ALK: variants seen among roughly 807,000 people sequenced by gnomAD.
ALK encodes the protein ALK tyrosine kinase receptor.
In ALK, 74 loss-of-function variants were observed where a neutral mutation model predicts 163.1. The ratio of observed to expected loss-of-function variants is 0.45; its 90% CI spans 0.38 to 0.55. The LOEUF (loss-of-function observed/expected upper bound fraction) is 0.55, where lower values mean the gene tolerates loss of function less well. ALK is among the 20% of genes least tolerant of loss of function. The probability of loss-of-function intolerance (pLI) is 0.00; values close to 1 mark genes in which losing one functional copy is unlikely to be tolerated. For missense variants in ALK, 2,063 were observed against 2,105.3 expected (o/e 0.98, Z 0.39); for synonymous variants, 960 against 843.2 (o/e 1.14, Z -2.40).
intron 1 of ALK, among the ~76,000 whole-genome samples, chr2:29,808,141 T>C (rs1332378660): frequency 6.6e-6 from 1 of 152,212 alleles, no homozygotes; most frequent in Admixed American, 6.5e-5. Context: ...AATAAATGCA[T>C]TGAAATTAAA....
At chr2:29,666,228 A>T (rs1677509252) in intron 3 of ALK, among the ~76,000 whole-genome samples, 1 of 152,026 alleles carries the variant, frequency 6.6e-6, no homozygotes, top group Admixed American at 6.6e-5. Context: ...TCATAATTCC[A>T]TTATCCTAGA....
At chr2:29,777,186 A>T (rs1681200583) in intron 1 of ALK, among the ~76,000 whole-genome samples, 3 of 152,214 alleles carry the variant, frequency 2.0e-5, no homozygotes, top group African/African-American at 7.2e-5. Flanking sequence ...GAATCAAAAT[A>T]TTCATCCAGG....
intron 3 of ALK, among the ~76,000 whole-genome samples, chr2:29,536,398 G>C (rs1673257553): frequency 6.6e-6 from 1 of 152,118 alleles, no homozygotes. Context: ...CATGTGGCAT[G>C]CTGGTTCCTT....
chr2:29,302,235 C>T (rs1288479807), intron 8 of ALK, among the ~76,000 whole-genome samples: 2 of 152,132 alleles, frequency 1.3e-5, no homozygotes, highest in East Asian at 1.9e-4. Flanking sequence ...AATTAACTTC[C>T]GGCCGGGTGC....
At chr2:29,529,425 G>A (rs940566410) in intron 4 of ALK, among the ~76,000 whole-genome samples, 4 of 152,216 alleles carry the variant, frequency 2.6e-5, no homozygotes, top group African/African-American at 9.6e-5. Context: ...TGAGCACTAT[G>A]CTAGTGAGGT....
At chr2:29,790,347 C>G (rs1322198606) in intron 1 of ALK, among the ~76,000 whole-genome samples, 1 of 152,110 alleles carries the variant, frequency 6.6e-6, no homozygotes, top group Non-Finnish European at 1.5e-5. Flanking sequence ...TCTATGCAAT[C>G]ACAAGTGACA....
intron 1 of ALK, among the ~76,000 whole-genome samples, chr2:29,904,732 C>T (rs1237119943): frequency 3.3e-5 from 5 of 152,206 alleles, no homozygotes; most frequent in African/African-American, 7.2e-5. Flanking sequence ...AAACCTAGAA[C>T]TAATTCCAGA....
chr2:29,449,020 G>A (rs986573455), intron 4 of ALK, among the ~76,000 whole-genome samples: 2 of 152,272 alleles, frequency 1.3e-5, no homozygotes, highest in South Asian at 2.1e-4. Flanking sequence ...TCCACTGCTT[G>A]ATTCTCATTT....
intron 4 of ALK, among the ~76,000 whole-genome samples, chr2:29,392,639 A>G (rs879319803): frequency 6.6e-6 from 1 of 152,206 alleles, no homozygotes; most frequent in African/African-American, 2.4e-5. Context: ...GTACCAGGCC[A>G]GAAGGTAGGA....
At chr2:29,585,839 AT>A (rs1674871149) in intron 3 of ALK, among the ~76,000 whole-genome samples, 1 of 151,828 alleles carries the variant, frequency 6.6e-6, no homozygotes, top group African/African-American at 2.4e-5. Context: ...CTTTCTAGAA[AT>A]TTTTTGTTCA....
intron 3 of ALK, among the ~76,000 whole-genome samples, chr2:29,665,951 T>A (rs1677500434): frequency 6.6e-6 from 1 of 152,076 alleles, no homozygotes; most frequent in African/African-American, 2.4e-5. Context: ...GACCTGAAAT[T>A]CCCTGCCCCA....
At chr2:29,536,168 G>T (rs1673250951) in intron 3 of ALK, among the ~76,000 whole-genome samples, 1 of 152,182 alleles carries the variant, frequency 6.6e-6, no homozygotes, top group Admixed American at 6.5e-5. Context: ...TGGTGATGTA[G>T]TTTGGTTGTG....
intron 1 of ALK, among the ~76,000 whole-genome samples, chr2:29,753,373 C>T (rs947823381): frequency 7.2e-5 from 11 of 152,132 alleles, no homozygotes; most frequent in Admixed American, 5.2e-4. Flanking sequence ...GGGTAAGTTA[C>T]GGGGGGGAGC....
At chr2:29,495,221 C>T (rs1400699339) in intron 4 of ALK, among the ~76,000 whole-genome samples, 1 of 152,166 alleles carries the variant, frequency 6.6e-6, no homozygotes, top group Non-Finnish European at 1.5e-5. Flanking sequence ...CTTCGTGCTG[C>T]AGGAGGCTGA....
chr2:29,342,901 G>C (rs1439834602), intron 5 of ALK, among the ~76,000 whole-genome samples: 11 of 20,692 alleles, frequency 5.3e-4, no homozygotes, highest in Admixed American at 2.2e-3. Context: ...TTTTTTTTTT[G>C]ATATGGAGTC....
chr2:29,310,961 T>C (rs143737582), intron 8 of ALK, among the ~76,000 whole-genome samples: 95 of 152,330 alleles, frequency 6.2e-4, no homozygotes, highest in African/African-American at 2.0e-3. Flanking sequence ...CTCTTACTCA[T>C]GTAGAGAGCC....
intron 1 of ALK, among the ~76,000 whole-genome samples, chr2:29,879,846 A>T (rs938149954): frequency 3.9e-5 from 6 of 152,224 alleles, no homozygotes; most frequent in African/African-American, 1.4e-4. Flanking sequence ...TGTAAATCTG[A>T]TAACTAACAA....
intron 1 of ALK, among the ~76,000 whole-genome samples, chr2:29,825,342 TG>T (rs1558505241): frequency 6.6e-6 from 1 of 152,258 alleles, no homozygotes; most frequent in Non-Finnish European, 1.5e-5. Context: ...TCAGATTCCC[TG>T]TTAGGTCCTG....
In ALK at chr2:29,334,071, C is replaced by G. The variant is rs75158405; in HGVS notation, c.1283-5590G>C. ...CCTCTCCTCTGGGGACACCTTCCACCAACTCTTCCTCTTTCGGCCCTGGGG... is the reference window on the plus strand; with the variant it reads ...CCTCTCCTCTGGGGACACCTTCCACGAACTCTTCCTCTTTCGGCCCTGGGG... On this transcript the variant is annotated intron_variant, in intron 5 of 28. Coordinates refer to ENST00000389048, the MANE Select transcript of ALK (RefSeq NM_004304.5). Among the ~76,000 whole-genome samples the G allele has an allele frequency of 3.3e-4, 50 of 152,246 alleles. No individual in the cohort carries two copies. The East Asian group carries it at 9.3e-3, about 28-fold the overall frequency.
Sources: allele counts gnomAD v4.1 joint callset (sites outside exome capture counted in the v4.1 genomes callset), GRCh38; gene constraint gnomAD v4.1.1; transcripts MANE v1.5; gene names NCBI Gene and HGNC (gene_info 2026-07-23, HGNC 2026-07-21).